The following FMN1 variants were observed in gnomAD, a reference collection of about 807,000 sequenced individuals.
The protein encoded by FMN1 is formin-1.
In FMN1, 110 loss-of-function variants were observed where a neutral mutation model predicts 132.4. That is an observed-to-expected ratio of 0.83 (90% CI 0.71 to 0.97). The LOEUF (loss-of-function observed/expected upper bound fraction) is 0.97, where lower values mean the gene tolerates loss of function less well. Among genes scored for constraint, FMN1 ranks in the 50% least tolerant of loss-of-function variants. FMN1 has a pLI of 0.00. For missense variants in FMN1, 1,792 were observed against 1,705.3 expected (o/e 1.05, Z -0.90); for synonymous variants, 722 against 651.7 (o/e 1.11, Z -1.64).
chr15:33,032,093 T>C (rs567576287), intron 6 of FMN1, among the ~76,000 whole-genome samples: 1 of 152,364 alleles, frequency 6.6e-6, no homozygotes, highest in Non-Finnish European at 1.5e-5. Flanking sequence ...CCAGGAATTG[T>C]GCTAAGCATT....
intron 9 of FMN1, among the ~76,000 whole-genome samples, chr15:32,932,037 C>A (rs189575961): frequency 3.3e-5 from 5 of 152,062 alleles, no homozygotes; most frequent in South Asian, 2.1e-4. Flanking sequence ...ATATGTTGAA[C>A]CTTCCTTGCA....
chr15:32,832,131 T>G (rs971192474), intron 17 of FMN1, among the ~76,000 whole-genome samples: 1 of 152,166 alleles, frequency 6.6e-6, no homozygotes, highest in Non-Finnish European at 1.5e-5. Context: ...TGTTTAAAAA[T>G]AGCTATACCC....
intron 4 of FMN1, 83 bp downstream of exon 4, chr15:33,152,965 G>C: frequency 7.4e-7 from 1 of 1,357,606 alleles, no homozygotes; most frequent in Non-Finnish European, 9.7e-7. Flanking sequence ...TTGTTAATCA[G>C]TCAGTTTCTA....
Position 33,037,163 on chromosome 15 carries a change from T to C in FMN1, c.2161+27794A>G, listed in dbSNP as rs143248432. On this transcript the variant is annotated intron_variant, in intron 6 of 20. Transcript: ENST00000616417. ...AATTAACAGAACTCACAGTTCTTTCTTGCTGACTCAGGCCAGTCCCAGAGT... is the reference window on the plus strand; with the variant it reads ...AATTAACAGAACTCACAGTTCTTTCCTGCTGACTCAGGCCAGTCCCAGAGT... Among the ~76,000 whole-genome samples, 1,060 of 152,352 alleles carry C rather than the reference T, an allele frequency of 7.0e-3. 7 individuals carry two copies. Among genetic ancestry groups the C allele is most frequent in the South Asian group, 0.019 (94 of 4,832 alleles).
At chr15:32,785,018 A>AG (rs981543493) in intron 19 of FMN1, among the ~76,000 whole-genome samples, 3 of 150,782 alleles carry the variant, frequency 2.0e-5, no homozygotes, top group East Asian at 3.9e-4. Context: ...CTTTTTTTGG[A>AG]GGGGGGTTCA....
At chr15:32,935,074 AC>A (rs1472755823) in intron 9 of FMN1, among the ~76,000 whole-genome samples, 1 of 149,642 alleles carries the variant, frequency 6.7e-6, no homozygotes, top group African/African-American at 2.5e-5. Flanking sequence ...GGCACGCACC[AC>A]CATGCCTGGC....
chr15:33,096,798 T>TAC (rs753686821), intron 4 of FMN1, among the ~76,000 whole-genome samples: 10 of 152,132 alleles, frequency 6.6e-5, no homozygotes, highest in Non-Finnish European at 1.2e-4. Flanking sequence ...ATTTTGGTTT[T>TAC]ACCATTTTGC....
intron 7 of FMN1, among the ~76,000 whole-genome samples, chr15:33,002,840 C>G (rs1306444195): frequency 6.6e-6 from 1 of 152,152 alleles, no homozygotes; most frequent in African/African-American, 2.4e-5. Context: ...AAGAGGGTTG[C>G]TGGTTTCCTA....
chr15:32,884,757 G>A (rs942508331), intron 16 of FMN1, among the ~76,000 whole-genome samples: 23 of 152,170 alleles, frequency 1.5e-4, no homozygotes, highest in Non-Finnish European at 2.9e-5. Context: ...TTATTGTCTT[G>A]TTAAGGGATG....
rs1596273466 is a variant in FMN1, at chr15:32,919,751, G to C, written c.3226+6423C>G. ...AGGCTAGACTGAGATTGTTCCTCAGGAAAGTCCTAGATAAGTTATGTTGGA... is the reference window on the plus strand; with the variant it reads ...AGGCTAGACTGAGATTGTTCCTCAGCAAAGTCCTAGATAAGTTATGTTGGA... On this transcript the variant is annotated intron_variant, in intron 10 of 20. Coordinates refer to ENST00000616417, the MANE Select transcript of FMN1 (RefSeq NM_001277313.2). Among the ~76,000 whole-genome samples, 2 of 152,140 alleles carry C rather than the reference G, an allele frequency of 1.3e-5. 1 individual carries two copies. The highest frequency in any genetic ancestry group is 4.1e-4 in the South Asian group (2 of 4,826).
At chr15:32,979,634 T>C (rs554247300) in intron 7 of FMN1, among the ~76,000 whole-genome samples, 1 of 152,134 alleles carries the variant, frequency 6.6e-6, no homozygotes, top group Non-Finnish European at 1.5e-5. Context: ...GTAATATATT[T>C]GTAAGTTATG....
intron 4 of FMN1, among the ~76,000 whole-genome samples, chr15:33,126,025 C>T (rs1188493192): frequency 6.6e-6 from 1 of 151,928 alleles, no homozygotes; most frequent in Non-Finnish European, 1.5e-5. Context: ...ACAGTAATAC[C>T]AAACTCACAG....
intron 7 of FMN1, among the ~76,000 whole-genome samples, chr15:32,980,338 G>T (rs2032555115): frequency 6.6e-6 from 1 of 151,774 alleles, no homozygotes; most frequent in African/African-American, 2.4e-5. Context: ...CTAAAATAGG[G>T]TCACAGCACT....
intron 19 of FMN1, among the ~76,000 whole-genome samples, chr15:32,790,510 T>C (rs1476538861): frequency 6.6e-6 from 1 of 152,162 alleles, no homozygotes; most frequent in African/African-American, 2.4e-5. Context: ...AAACCACAGA[T>C]TTCTAGACTC....
intron 4 of FMN1, chr15:33,151,041 G>T: frequency 2.5e-6 from 3 of 1,187,142 alleles, no homozygotes; most frequent in Non-Finnish European, 3.1e-6. Context: ...CAGCTGCAGG[G>T]AGTCACTGAA....
chr15:32,778,518 G>A (rs546437992), intron 19 of FMN1, among the ~76,000 whole-genome samples: 120 of 151,984 alleles, frequency 7.9e-4, no homozygotes, highest in African/African-American at 2.8e-3. Flanking sequence ...TTTCTCCAAA[G>A]CTGACATACA....
At chr15:33,127,925 T>TATA (rs1484343695) in intron 4 of FMN1, among the ~76,000 whole-genome samples, 1 of 134,232 alleles carries the variant, frequency 7.4e-6, no homozygotes, top group Non-Finnish European at 1.7e-5. Context: ...CAGATGGAAA[T>TATA]AGAAGAAGAG....
intron 6 of FMN1, among the ~76,000 whole-genome samples, chr15:33,021,314 A>G (rs1358267457): frequency 2.0e-5 from 3 of 152,160 alleles, no homozygotes; most frequent in Non-Finnish European, 2.9e-5. Context: ...GTTACACAGC[A>G]TTATTACAGC....
chr15:33,070,744 G>GT (rs766234890), intron 5 of FMN1, among the ~76,000 whole-genome samples: 5 of 152,190 alleles, frequency 3.3e-5, no homozygotes, highest in Non-Finnish European at 5.9e-5. Flanking sequence ...AACACAGCTA[G>GT]TAAGTGGGGA....
Sources: allele counts gnomAD v4.1 joint callset (sites outside exome capture counted in the v4.1 genomes callset), GRCh38; gene constraint gnomAD v4.1.1; transcripts MANE v1.5; gene names NCBI Gene and HGNC (gene_info 2026-07-23, HGNC 2026-07-21).